The following CNNM2 variants were observed in gnomAD, a reference collection of about 807,000 sequenced individuals.
CNNM2 encodes the protein cyclin and CBS domain divalent metal cation transport mediator 2.
Under a neutral mutation model 66.9 loss-of-function variants are expected in CNNM2, and 12 were observed. The ratio of observed to expected loss-of-function variants is 0.18; its 90% CI spans 0.11 to 0.29. The LOEUF (loss-of-function observed/expected upper bound fraction) is 0.29, where lower values mean the gene tolerates loss of function less well. Ranked by LOEUF, CNNM2 falls within the 10% of genes least tolerant of loss-of-function variation. CNNM2 has a pLI of 1.00. For synonymous variants in CNNM2, 557 were observed against 501.8 expected, an observed-to-expected ratio of 1.11 and a Z score of -1.47; for missense variants, 705 against 1,167.7, an observed-to-expected ratio of 0.60 and a Z score of 5.77.
chr10:102,925,929 C>T (rs370026764), intron 1 of CNNM2, among the ~76,000 whole-genome samples: 99 of 152,096 alleles, frequency 6.5e-4, no homozygotes, highest in African/African-American at 2.1e-3. Flanking sequence ...TTATTTGAAG[C>T]CTCAGGTAAT....
intron 4 of CNNM2, among the ~76,000 whole-genome samples, chr10:103,064,099 A>G (rs538887865): frequency 4.6e-5 from 7 of 152,360 alleles, no homozygotes; most frequent in Non-Finnish European, 8.8e-5. Context: ...TTGTAGAGTC[A>G]TAGAATGCTA....
chr10:102,922,456 T>C (rs1030307779), intron 1 of CNNM2, among the ~76,000 whole-genome samples: 16 of 152,342 alleles, frequency 1.1e-4, no homozygotes, highest in African/African-American at 3.6e-4. Context: ...ATTATGACAG[T>C]GTTAACAATC....
intron 1 of CNNM2, chr10:103,027,543 A>G (rs1478721799): frequency 6.6e-6 from 1 of 152,204 alleles, no homozygotes; most frequent in Non-Finnish European, 1.5e-5. Flanking sequence ...TGAGCAAACA[A>G]TTTGTAGAGT....
chr10:102,994,271 GT>G (rs2063948920), intron 1 of CNNM2, among the ~76,000 whole-genome samples: 1 of 152,180 alleles, frequency 6.6e-6, no homozygotes, highest in South Asian at 2.1e-4. Flanking sequence ...CTTGATATGA[GT>G]TGTGAAGTTG....
rs1262802134 is a variant in CNNM2, at chr10:102,926,255, T to A, written c.1621+6154T>A. On this transcript the variant is annotated intron_variant, in intron 1 of 7. Coordinates refer to ENST00000369878, the MANE Select transcript of CNNM2 (RefSeq NM_017649.5). The stretch of plus-strand genomic sequence containing the variant: ...GAGAATCATGCTGATTTGTAGAAGT[T>A]ATTGCGTTACTAGGATCACCGAAGT... 2.0e-5 allele frequency among the ~76,000 whole-genome samples: 3 copies of A among 152,184 alleles called. 1 individual carries two copies. The highest frequency in any genetic ancestry group is 4.4e-5 in the Non-Finnish European group (3 of 68,048).
intron 1 of CNNM2, among the ~76,000 whole-genome samples, chr10:102,928,983 G>T (rs2134163994): frequency 6.6e-6 from 1 of 152,276 alleles, no homozygotes; most frequent in South Asian, 2.1e-4. Flanking sequence ...AGGCTCGCTG[G>T]GCGTGGTGGC....
intron 1 of CNNM2, among the ~76,000 whole-genome samples, chr10:103,011,272 A>ACCAGCAGGAGTTCGAGACAGCT (rs1466125084): frequency 6.6e-6 from 1 of 151,694 alleles, no homozygotes. Flanking sequence ...GACCAACATG[A>ACCAGCAGGAGTTCGAGACAGCT]TGAAACCCTG....
intron 1 of CNNM2, among the ~76,000 whole-genome samples, chr10:102,948,305 T>C (rs145049731): frequency 1.8e-3 from 280 of 152,176 alleles, no homozygotes; most frequent in African/African-American, 5.9e-3. Flanking sequence ...CCTGAGAATA[T>C]TGGCAGGTGG....
intron 1 of CNNM2, among the ~76,000 whole-genome samples, chr10:102,931,491 G>T (rs1846063684): frequency 6.6e-6 from 1 of 151,860 alleles, no homozygotes; most frequent in Non-Finnish European, 1.5e-5. Flanking sequence ...CCAGGTAGCT[G>T]GGATTACAGG....
rs1460117193 is a variant in CNNM2 at position 103,054,616 on chromosome 10, TTTG to T, written c.1903+153_1903+155del. 4 of 767,282 alleles carry T rather than the reference TTTG, an allele frequency of 5.2e-6. No homozygotes were observed. The highest frequency in any genetic ancestry group is 8.0e-6 in the Non-Finnish European group (4 of 499,976). The allele number at this position is 767,282 out of a possible 1,614,324, so 47.5% of individuals were successfully genotyped here. ...TGTTTTGTTTTTTTTGTTTTTTTGT[TTTG>T]TTTTGTTTTTTTCTTTTTAAATTCT... On this transcript the variant is annotated intron_variant, in intron 3 of 7. Coordinates refer to ENST00000369878, the MANE Select transcript of CNNM2 (RefSeq NM_017649.5). This position sits in a 1 kb window ranked among gnomAD's most constrained non-coding sequence, Gnocchi z 5.2.
rs114898118 is a variant in CNNM2 at position 103,054,459 on chromosome 10, A to G, written c.1896A>G (p.Leu632=). Residue 632 remains leucine (L), a synonymous_variant, in exon 3 of 8, where the codon CTA becomes CTG. Transcript: ENST00000369878. This position sits in a 1 kb window ranked among gnomAD's most constrained non-coding sequence, Gnocchi z 5.2. ...PQLLLAMHRF[L]ATEVEAFSPS... is the part of the protein sequence containing the mutation. ...TCCTCCTGGCCATGCACCGTTTCCT[A>G]GCAACAGGCAAGTGCAGCTTATCAC... 78 of 1,613,846 alleles carry G rather than the reference A, an allele frequency of 4.8e-5. No homozygotes were observed. In the African/African-American group the frequency reaches 1.0e-3, roughly 21 times the overall value.
chr10:102,971,704 G>A (rs1035182095), intron 1 of CNNM2, among the ~76,000 whole-genome samples: 12 of 151,908 alleles, frequency 7.9e-5, no homozygotes, highest in Admixed American at 2.6e-4. Flanking sequence ...GCCTTTTTTT[G>A]TATGACTCTA....
intron 1 of CNNM2, among the ~76,000 whole-genome samples, chr10:102,976,583 T>G (rs2063634475): frequency 6.7e-6 from 1 of 149,194 alleles, no homozygotes; most frequent in African/African-American, 2.5e-5. Flanking sequence ...GTAGCTGGAA[T>G]TACAGGTGTG....
Position 102,919,366 on chromosome 10 carries a change from GAGA to G in CNNM2, c.889_891del (p.Lys297del). Reference sequence around the variant, plus strand: ...GCGCATCGTGCAGAACTGCGGCACGGAGAAGGAGAAGAATTACGCCAAGCGCAT... The same window carrying G: ...GCGCATCGTGCAGAACTGCGGCACGGAGGAGAAGAATTACGCCAAGCGCAT... On this transcript the variant is annotated inframe_deletion, in exon 1 of 8. Transcript: ENST00000369878. The G allele has an allele frequency of 6.2e-7, 1 of 1,612,764 alleles. No individual in the cohort carries two copies. Among genetic ancestry groups the G allele is most frequent in the Non-Finnish European group, 8.5e-7 (1 of 1,180,048 alleles).
intron 1 of CNNM2, among the ~76,000 whole-genome samples, chr10:102,948,880 A>ACT (rs36000106): frequency 4.3e-4 from 31 of 72,240 alleles, no homozygotes; most frequent in Non-Finnish European, 1.6e-4. Flanking sequence ...TTTCAATGAT[A>ACT]GAGAGAGAGA....
chr10:102,950,697 A>G (rs1325906658), intron 1 of CNNM2, among the ~76,000 whole-genome samples: 2 of 152,110 alleles, frequency 1.3e-5, no homozygotes, highest in South Asian at 2.1e-4. Flanking sequence ...AAGGTTGTAT[A>G]GAGCTATGAT....
At chr10:102,929,022 G>A (rs1845973540) in intron 1 of CNNM2, among the ~76,000 whole-genome samples, 1 of 151,870 alleles carries the variant, frequency 6.6e-6, no homozygotes, top group South Asian at 2.1e-4. Context: ...CACTTTGGGA[G>A]GCCTAGGTGG....
At chr10:103,070,033 G>A (rs1169251462) in intron 5 of CNNM2, among the ~76,000 whole-genome samples, 1 of 152,182 alleles carries the variant, frequency 6.6e-6, no homozygotes, top group African/African-American at 2.4e-5. Flanking sequence ...CAAGAATTCT[G>A]TCGTATTTCT....
intron 1 of CNNM2, among the ~76,000 whole-genome samples, chr10:103,021,588 T>C (rs1408438773): frequency 6.6e-6 from 1 of 152,030 alleles, no homozygotes; most frequent in Admixed American, 6.6e-5. Context: ...TGACAATGAG[T>C]GAGACCTGTA....
Sources: gnomAD v4.1 joint callset for allele counts (sites outside exome capture counted in the v4.1 genomes callset) on GRCh38, gnomAD v4.1.1 for gene constraint, Gnocchi (gnomAD v3.1) non-coding constraint, MANE v1.5 for transcripts, NCBI Gene and HGNC (gene_info 2026-07-23, HGNC 2026-07-21) for gene names.